TMPRSS15: variants seen among roughly 807,000 people sequenced by gnomAD.
TMPRSS15 encodes the protein transmembrane serine protease 15.
A neutral mutation model predicts 125.3 loss-of-function variants in TMPRSS15; 128 were observed. That is an observed-to-expected ratio of 1.02 (90% CI 0.89 to 1.18). The LOEUF is 1.18. Among genes scored for constraint, TMPRSS15 ranks in the 50% most tolerant of loss-of-function variants. The pLI, the probability that TMPRSS15 is intolerant of heterozygous loss-of-function variation, is 0.00. For synonymous variants in TMPRSS15, 446 were observed against 423.2 expected (o/e 1.05, Z -0.66); for missense variants, 1,283 against 1,212.7 (o/e 1.06, Z -0.86).
At chr21:18,407,609 G>A (rs577289543), upstream of TMPRSS15, among the ~76,000 whole-genome samples, 10 of 151,968 alleles carry the variant, frequency 6.6e-5, no homozygotes, top group Non-Finnish European at 1.3e-4. Context: ...ATCATGCCCA[G>A]ATAATTTTCT....
chr21:18,391,073 G>C (rs2075986379), intron 3 of TMPRSS15, among the ~76,000 whole-genome samples: 1 of 152,054 alleles, frequency 6.6e-6, no homozygotes, highest in Non-Finnish European at 1.5e-5. Flanking sequence ...CTCACACCAG[G>C]TACCTCTCTC....
At chr21:18,454,088 T>G (rs1280343383) in intron 1 of TMPRSS15, among the ~76,000 whole-genome samples, 5 of 152,084 alleles carry the variant, frequency 3.3e-5, no homozygotes, top group Non-Finnish European at 5.9e-5. Context: ...ACTAGAAAAT[T>G]TAAACTTTAA....
intron 1 of TMPRSS15, among the ~76,000 whole-genome samples, chr21:18,450,685 T>TG (rs1322132009): frequency 6.8e-6 from 1 of 147,782 alleles, no homozygotes; most frequent in African/African-American, 2.7e-5. Flanking sequence ...CTTCTTCTTT[T>TG]GGGAAAAAAA....
rs755464044 is a variant in TMPRSS15 at position 18,281,143 on chromosome 21, G to A, written c.2565C>T (p.Val855=). The part of the protein sequence containing the change: ...MKSNLTSPQT[V]PRLIDEIVIN... ...TGACAATTTCATCTATTAATCGAGG[G>A]ACTGTTTGAGGAGAGGTCAGATTTG... Residue 855 remains valine, a synonymous_variant, in exon 22 of 25, where the codon GTC becomes GTT. Transcript: ENST00000284885. 32 of 1,613,814 alleles carry A rather than the reference G, an allele frequency of 2.0e-5. No homozygotes were observed. The highest frequency in any genetic ancestry group is 2.5e-5 in the Non-Finnish European group (29 of 1,179,982).
chr21:18,353,022 TC>T lies in TMPRSS15; in HGVS notation c.1051del (p.Asp351MetfsTer10). On this transcript the variant is annotated frameshift_variant, in exon 10 of 25. Coordinates refer to ENST00000284885, the MANE Select transcript of TMPRSS15 (RefSeq NM_002772.3). LOFTEE classifies it high-confidence loss of function. ...NYEKINCNFE[D>X]GFCFWVQDLN... ...ATCCTGGACCCAGAAACAAAAGCCA[TC>T]CTCAAAGTTACAATTAATTTTCTCA... 7 of 1,610,718 alleles carry T rather than the reference TC, an allele frequency of 4.3e-6. No individual in the cohort carries two copies. Among genetic ancestry groups the T allele is most frequent in the Non-Finnish European group, 5.9e-6 (7 of 1,178,584 alleles).
intron 23 of TMPRSS15, 89 bp downstream of exon 23, chr21:18,278,875 G>A: frequency 1.4e-6 from 1 of 708,164 alleles, no homozygotes; most frequent in East Asian, 2.8e-5. Context: ...TTGCAAAGAT[G>A]TTGAAAGCAT....
At chr21:18,389,626 A>G (rs1210314223) in intron 3 of TMPRSS15, among the ~76,000 whole-genome samples, 1 of 152,170 alleles carries the variant, frequency 6.6e-6, no homozygotes, top group Non-Finnish European at 1.5e-5. Context: ...GCCTATATAT[A>G]AAAGTCTATG....
intron 3 of TMPRSS15, among the ~76,000 whole-genome samples, chr21:18,386,703 A>G (rs919176219): frequency 6.6e-6 from 1 of 152,136 alleles, no homozygotes; most frequent in Non-Finnish European, 1.5e-5. Flanking sequence ...AGAGTGAACA[A>G]TATTAATTAT....
rs751903380 is a variant in TMPRSS15, at chr21:18,383,719, T to A, written c.404A>T (p.Asn135Ile). 7 of 1,613,824 alleles carry A rather than the reference T, an allele frequency of 4.3e-6. No individual in the cohort carries two copies. The highest frequency in any genetic ancestry group is 5.9e-6 in the Non-Finnish European group (7 of 1,179,938). ...GCCTTGAATCAGTTCTTCTTTTACA[T>A]TTTCATCTGACACCCACTGGGCAAA... Reference protein sequence around the residue: ...LFFAQWVSDENVKEELIQGLE... With the variant: ...LFFAQWVSDEIVKEELIQGLE... The change falls in exon 4 of 25, where the codon AAT (asparagine) becomes ATT (isoleucine). Residue 135 changes from asparagine (N) to isoleucine (I), a missense_variant. Asn to Ile is a moderately radical substitution (Grantham distance 149, BLOSUM62 -3). Coordinates refer to ENST00000284885, the MANE Select transcript of TMPRSS15 (RefSeq NM_002772.3).
intron 1 of TMPRSS15, among the ~76,000 whole-genome samples, chr21:18,465,703 AGG>A (rs1410499281): frequency 2.0e-5 from 3 of 152,174 alleles, no homozygotes; most frequent in African/African-American, 7.2e-5. Flanking sequence ...ACAACTTAAA[AGG>A]GATGTGAAGA....
At chr21:18,442,741 C>T (rs2824833) in intron 1 of TMPRSS15, among the ~76,000 whole-genome samples, 135,310 of 152,250 alleles carry the variant, frequency 0.89, 60,452 homozygotes, top group East Asian at 0.99. Context: ...GGTAATTTCT[C>T]CCAAGCTTAG....
chr21:18,411,904 T>C (rs1279078487), intron 1 of TMPRSS15, among the ~76,000 whole-genome samples: 3 of 152,190 alleles, frequency 2.0e-5, no homozygotes, highest in South Asian at 2.1e-4. Flanking sequence ...TATTCAAAAA[T>C]AGACCTGTAT....
chr21:18,291,618 T>C (rs1321881329), intron 21 of TMPRSS15, among the ~76,000 whole-genome samples: 2 of 152,170 alleles, frequency 1.3e-5, no homozygotes, highest in Non-Finnish European at 2.9e-5. Flanking sequence ...ACAATTAGGC[T>C]TTTAAAGAGA....
At chr21:18,339,359 A>G (rs187730703) in intron 13 of TMPRSS15, among the ~76,000 whole-genome samples, 12 of 152,342 alleles carry the variant, frequency 7.9e-5, no homozygotes, top group Middle Eastern at 3.4e-3. Flanking sequence ...CTCATTTGTT[A>G]CATGTTCTTA....
chr21:18,395,889 G>T (rs1029378370), intron 3 of TMPRSS15, among the ~76,000 whole-genome samples: 4 of 152,082 alleles, frequency 2.6e-5, no homozygotes, highest in Admixed American at 1.3e-4. Flanking sequence ...TTTATAGGTC[G>T]CAGTGTCTTG....
chr21:18,344,692 T>C (rs1010121890), intron 10 of TMPRSS15, among the ~76,000 whole-genome samples: 1 of 152,198 alleles, frequency 6.6e-6, no homozygotes, highest in African/African-American at 2.4e-5. Context: ...TGGTCTGAAA[T>C]TCATTATTCC....
chr21:18,364,318 G>A (rs1251032995), intron 7 of TMPRSS15, among the ~76,000 whole-genome samples: 2 of 152,054 alleles, frequency 1.3e-5, no homozygotes, highest in Admixed American at 6.6e-5. Context: ...TGAATTCTAT[G>A]GAGCACTTAT....
At chr21:18,364,509 C>T (rs955825211) in intron 7 of TMPRSS15, among the ~76,000 whole-genome samples, 12 of 151,922 alleles carry the variant, frequency 7.9e-5, no homozygotes, top group African/African-American at 1.5e-4. Context: ...TTGGAATATC[C>T]GGAAGGAACT....
chr21:18,292,668 T>C (rs922806218), intron 21 of TMPRSS15, among the ~76,000 whole-genome samples: 1 of 152,188 alleles, frequency 6.6e-6, no homozygotes, highest in South Asian at 2.1e-4. Context: ...TATAGCAAGG[T>C]TGCTAACTTA....
Sources: gnomAD v4.1 joint callset for allele counts (sites outside exome capture counted in the v4.1 genomes callset) on GRCh38, gnomAD v4.1.1 for gene constraint, MANE v1.5 for transcripts, NCBI Gene and HGNC (gene_info 2026-07-23, HGNC 2026-07-21) for gene names.